VWA7: variants seen among roughly 807,000 people sequenced by gnomAD.
The protein encoded by VWA7 is von Willebrand factor A domain-containing protein 7.
Under a neutral mutation model 83.1 loss-of-function variants are expected in VWA7, and 66 were observed. That is an observed-to-expected ratio of 0.79 (90% CI 0.65 to 0.98). VWA7 has a LOEUF of 0.98. VWA7 is among the 50% of genes least tolerant of loss of function. The pLI is 0.00. For synonymous variants in VWA7, 424 were observed against 488.5 expected, an observed-to-expected ratio of 0.87 and a Z score of 1.74; for missense variants, 1,080 against 1,160.2, an observed-to-expected ratio of 0.93 and a Z score of 1.00.
chr6:31,769,658 C>T lies in VWA7; in HGVS notation c.1317+17G>A. The T allele has an allele frequency of 6.2e-7, 1 of 1,603,168 alleles. No homozygotes were observed. Among genetic ancestry groups the T allele is most frequent in the Non-Finnish European group, 8.5e-7 (1 of 1,171,298 alleles). On this transcript the variant is annotated intron_variant, in intron 9 of 16. Coordinates refer to ENST00000375688, the MANE Select transcript of VWA7 (RefSeq NM_025258.3). This position sits in a 1 kb window ranked among gnomAD's most constrained non-coding sequence, Gnocchi z 4.5. ...CCCTGGGAGGCTAACACTGGGTCTC[C>T]CACTAGCTCTGCTCACCCGGCAGCG...
At chr6:31,772,586 T>TTC (rs1293339423) in intron 7 of VWA7, among the ~76,000 whole-genome samples, 1 of 49,320 alleles carries the variant, frequency 2.0e-5, no homozygotes, top group Non-Finnish European at 4.6e-5. Context: ...TTTCTTTTCT[T>TTC]TTTTTTTTTT....
Position 31,776,650 on chromosome 6 carries a change from T to G in VWA7, c.130A>C (p.Thr44Pro). The G allele has an allele frequency of 6.5e-7, 1 of 1,545,444 alleles. No homozygotes were observed. The highest frequency in any genetic ancestry group is 8.7e-7 in the Non-Finnish European group (1 of 1,144,208). The change falls in exon 2 of 17, where the codon ACC becomes CCC. Residue 44 changes from threonine to proline, a missense_variant. By Grantham distance (38) the Thr-to-Pro change is conservative (BLOSUM62 -1). Transcript: ENST00000375688. The surrounding 1 kb of genome is among the most constrained non-coding windows in gnomAD (Gnocchi z 6.2). ...GCCTCCTCAGTTAGGTCTTGGTGGG[T>G]GATGGAGCCAGGGGCAGCCAGCAGG... ...WSLLAAPGSI[T>P]HQDLTEEAAL...
Position 31,769,941 on chromosome 6 carries a change from AGGGATCTAGCTCCCCCTGGT to A in VWA7, c.1200+40_1200+59del. ...GCTGAAGGTGGTGGGGAGCCCCAGG[AGGGATCTAGCTCCCCCTGGT>A]GGTGGGGCCAGGAAACGGGGAAGAA... On this transcript the variant is annotated intron_variant, in intron 8 of 16. Transcript: ENST00000375688. This position sits in a 1 kb window ranked among gnomAD's most constrained non-coding sequence, Gnocchi z 4.5. 1.9e-6 allele frequency: 3 copies of A among 1,550,112 alleles called. No homozygotes were observed. The South Asian group carries it at 3.4e-5, about 17-fold the overall frequency.
At position 31,767,261 on chromosome 6, in the gene VWA7, G is replaced by A; in HGVS notation, c.1790-11C>T. The A allele has an allele frequency of 1.9e-6, 3 of 1,611,756 alleles. No homozygotes were observed. The highest frequency in any genetic ancestry group is 1.7e-6 in the Non-Finnish European group (2 of 1,178,986). ...CCAGGGAGGTCTGGGCTGGGAAAGGGCAAAGGCAGTCAGAGCCCTTCCTGA... is the reference window on the plus strand; with the variant it reads ...CCAGGGAGGTCTGGGCTGGGAAAGGACAAAGGCAGTCAGAGCCCTTCCTGA... On this transcript the variant is annotated splice_polypyrimidine_tract_variant and intron_variant, in intron 12 of 16. Coordinates refer to ENST00000375688, the MANE Select transcript of VWA7 (RefSeq NM_025258.3).
intron 7 of VWA7, among the ~76,000 whole-genome samples, chr6:31,772,407 C>T (rs541097316): frequency 6.6e-6 from 1 of 152,104 alleles, no homozygotes; most frequent in South Asian, 2.1e-4. Context: ...CCACCTCTGC[C>T]TCCCAAAGTG....
chr6:31,772,564 CTTTTTTTTTTCTTTCTTTTCTTTTT>C (rs1812281061), intron 7 of VWA7, among the ~76,000 whole-genome samples: 2 of 76,992 alleles, frequency 2.6e-5, no homozygotes, highest in Non-Finnish European at 5.6e-5. Flanking sequence ...TTTATCTTTT[CTTTTTTTTTTCTTTCTTTTCTTTTT>C]TTTTTTTTTT....
In VWA7 at chr6:31,767,477, T is replaced by C; in HGVS notation, c.1674A>G (p.Leu558=). ...ACTGCCCAAAGCGGCGAGTGTGACC[T>C]AGAGGACCCCCGCCTTCCTCCTGGC... ...SQGQEEGGGP[L]GHTRRFGQFW... The change falls in exon 12 of 17, where the codon CTA becomes CTG. Residue 558 remains leucine, a synonymous_variant. Coordinates refer to ENST00000375688, the MANE Select transcript of VWA7 (RefSeq NM_025258.3). The C allele has an allele frequency of 1.9e-6, 3 of 1,612,106 alleles. No homozygotes were observed. The highest frequency in any genetic ancestry group is 2.5e-6 in the Non-Finnish European group (3 of 1,179,122).
At chr6:31,772,446 C>G (rs979983022) in intron 7 of VWA7, among the ~76,000 whole-genome samples, 2 of 151,964 alleles carry the variant, frequency 1.3e-5, no homozygotes, top group Non-Finnish European at 2.9e-5. Flanking sequence ...GCCACCCCAC[C>G]CAGGTTGCTG....
rs912119569 is a variant in VWA7, at chr6:31,776,922, C to G, written c.-15-128G>C. Reference sequence around the variant, plus strand: ...GTCTGCTCCAGCCTGGCTTCCCCACCCTCTCGCTGTCACCCAGACAACCTG... The same window carrying G: ...GTCTGCTCCAGCCTGGCTTCCCCACGCTCTCGCTGTCACCCAGACAACCTG... On this transcript the variant is annotated intron_variant, in intron 1 of 16. Transcript: ENST00000375688. This position sits in a 1 kb window ranked among gnomAD's most constrained non-coding sequence, Gnocchi z 6.2. 3.5e-5 allele frequency: 18 copies of G among 508,434 alleles called. No homozygotes were observed. The African/African-American group carries it at 3.6e-4, about 10-fold the overall frequency. 31.5% of individuals were successfully genotyped at this position (508,434 alleles called of 1,614,324 possible). A position where few individuals can be genotyped will look rare whatever the true frequency, so the allele number is the denominator to read the frequency against.
Position 31,765,928 on chromosome 6 carries a change from C to T in VWA7, c.2454G>A (p.Pro818=), listed in dbSNP as rs766226938. 10 of 1,612,980 alleles carry T rather than the reference C, an allele frequency of 6.2e-6. No individual in the cohort carries two copies. The highest frequency in any genetic ancestry group is 5.0e-5 in the Admixed American group (3 of 60,008). The part of the protein sequence containing the change: ...AGGREANPVP[P]THAFLRLLVS... ...CCAGGAGCCGGAGGAAAGCATGAGT[C>T]GGGGGTACTGGGTTGGCTTCTCGTC... Residue 818 remains proline, a synonymous_variant, in exon 16 of 17, where the codon CCG becomes CCA. Transcript: ENST00000375688.
rs1257769792 is a variant in VWA7, at chr6:31,775,040, C to A, written c.610+293G>T. Among the ~76,000 whole-genome samples, 2 of 152,022 alleles carry A rather than the reference C, an allele frequency of 1.3e-5. No homozygotes were observed. The highest frequency in any genetic ancestry group is 1.3e-4 in the Admixed American group (2 of 15,254). On this transcript the variant is annotated intron_variant, in intron 4 of 16. Coordinates refer to ENST00000375688, the MANE Select transcript of VWA7 (RefSeq NM_025258.3). This position sits in a 1 kb window ranked among gnomAD's most constrained non-coding sequence, Gnocchi z 5.9. ...GTGAGTTGTGGACAGGAGGCAGCTT[C>A]CAGGTGAGAGGGTGAGGGGGCTGTG...
chr6:31,772,443 C>T (rs1812265883), intron 7 of VWA7, among the ~76,000 whole-genome samples: 1 of 151,982 alleles, frequency 6.6e-6, no homozygotes, highest in South Asian at 2.1e-4. Context: ...TGAGCCACCC[C>T]ACCCAGGTTG....
In VWA7 at chr6:31,776,809, G is replaced by A. The variant is rs1023467174; in HGVS notation, c.-15-15C>T. On this transcript the variant is annotated splice_polypyrimidine_tract_variant and intron_variant, in intron 1 of 16. Coordinates refer to ENST00000375688, the MANE Select transcript of VWA7 (RefSeq NM_025258.3). This position sits in a 1 kb window ranked among gnomAD's most constrained non-coding sequence, Gnocchi z 6.2. ...GAGACATGGACCTGGGAGACAGAAG[G>A]CTCTCAAGGGAGGAGGAAGCAGCCG... 1 of 1,317,298 alleles carries A rather than the reference G, an allele frequency of 7.6e-7. No individual in the cohort carries two copies. Among genetic ancestry groups the A allele is most frequent in the Non-Finnish European group, 9.9e-7 (1 of 1,006,710 alleles). 81.6% of individuals were successfully genotyped at this position (1,317,298 alleles called of 1,614,324 possible). A position where few individuals can be genotyped will look rare whatever the true frequency, so the allele number is the denominator to read the frequency against.
Position 31,775,505 on chromosome 6 carries a change from C to T in VWA7, c.514-76G>A. 7.4e-7 allele frequency: 1 copy of T among 1,354,450 alleles called. No individual in the cohort carries two copies. Among genetic ancestry groups the T allele is most frequent in the Non-Finnish European group, 1.0e-6 (1 of 979,000 alleles). 83.9% of individuals were successfully genotyped at this position (1,354,450 alleles called of 1,614,324 possible). Reference sequence around the variant, plus strand: ...CACCATCTCCAGCACTAATATGCCACTCCTTTGAGTTCCCCATCCCGAAAG... The same window carrying T: ...CACCATCTCCAGCACTAATATGCCATTCCTTTGAGTTCCCCATCCCGAAAG... On this transcript the variant is annotated intron_variant, in intron 3 of 16. Transcript: ENST00000375688. The surrounding 1 kb of genome is among the most constrained non-coding windows in gnomAD (Gnocchi z 5.9).
rs756727536 is a variant in VWA7 at position 31,769,649 on chromosome 6, C to A, written c.1317+26G>T. ...CTCTCACATCCCTGGGAGGCTAACA[C>A]TGGGTCTCCCACTAGCTCTGCTCAC... On this transcript the variant is annotated intron_variant, in intron 9 of 16. Coordinates refer to ENST00000375688, the MANE Select transcript of VWA7 (RefSeq NM_025258.3). The surrounding 1 kb of genome is among the most constrained non-coding windows in gnomAD (Gnocchi z 4.5). 6.3e-7 allele frequency: 1 copy of A among 1,586,306 alleles called. No individual in the cohort carries two copies. The highest frequency in any genetic ancestry group is 8.6e-7 in the Non-Finnish European group (1 of 1,156,086).
At position 31,775,852 on chromosome 6, in the gene VWA7, C is replaced by T. The variant is rs1244771664; in HGVS notation, c.513+112G>A. 1 of 1,483,436 alleles carries T rather than the reference C, an allele frequency of 6.7e-7. No individual in the cohort carries two copies. Among genetic ancestry groups the T allele is most frequent in the Non-Finnish European group, 9.0e-7 (1 of 1,115,862 alleles). 91.9% of individuals were successfully genotyped at this position (1,483,436 alleles called of 1,614,324 possible). On this transcript the variant is annotated intron_variant, in intron 3 of 16. Transcript: ENST00000375688. This position sits in a 1 kb window ranked among gnomAD's most constrained non-coding sequence, Gnocchi z 5.9. ...TCGGGGCACCGCGTGCCAGTGCCCA[C>T]CCCTTCCAGAGTGGAGGAGACATGA...
In VWA7 at chr6:31,776,700, G is replaced by A. The variant is rs1184803687; in HGVS notation, c.80C>T (p.Ser27Phe). ...GCTCCAGATGTTGGGGAAGAAGGCA[G>A]ATGTGGGGGGCAGCAACAGCTGCAG... is the stretch of plus-strand genomic sequence containing the variant. ...LLLQLLLPPTSAFFPNIWSLL... is the reference protein window; with the variant it reads ...LLLQLLLPPTFAFFPNIWSLL... Residue 27 changes from serine (S) to phenylalanine (F), a missense_variant, in exon 2 of 17, where the codon TCT becomes TTT. Transcript: ENST00000375688. This position sits in a 1 kb window ranked among gnomAD's most constrained non-coding sequence, Gnocchi z 6.2. 1 of 1,512,916 alleles carries A rather than the reference G, an allele frequency of 6.6e-7. No individual in the cohort carries two copies. Among genetic ancestry groups the A allele is most frequent in the Non-Finnish European group, 8.9e-7 (1 of 1,127,122 alleles). 93.7% of individuals were successfully genotyped at this position (1,512,916 alleles called of 1,614,324 possible). A position where few individuals can be genotyped will look rare whatever the true frequency, so the allele number is the denominator to read the frequency against.
At chr6:31,774,275 A>G (rs1296431376) in intron 5 of VWA7, among the ~76,000 whole-genome samples, 3 of 151,882 alleles carry the variant, frequency 2.0e-5, no homozygotes, top group Non-Finnish European at 4.4e-5. Flanking sequence ...TGATCCCTCC[A>G]GCCAGTCCCC....
In VWA7 at chr6:31,766,612, C is replaced by T; in HGVS notation, c.2035G>A (p.Glu679Lys). The T allele has an allele frequency of 6.2e-7, 1 of 1,613,032 alleles. No homozygotes were observed. The highest frequency in any genetic ancestry group is 1.3e-5 in the African/African-American group (1 of 75,038). Residue 679 changes from glutamate to lysine, a missense_variant, in exon 14 of 17, where the codon GAG becomes AAG. By Grantham distance (56) the Glu-to-Lys change is moderately conservative. Transcript: ENST00000375688. The surrounding 1 kb of genome is among the most constrained non-coding windows in gnomAD (Gnocchi z 4.9). ...QVPLEPVGPPERGLLAASLSP... is the reference protein window; with the variant it reads ...QVPLEPVGPPKRGLLAASLSP... Reference sequence around the variant, plus strand: ...AGCGAGGCTGCGAGGAGACCTCGCTCCGGAGGTCCCACGGGCTCCAAGGGC... The same window carrying T: ...AGCGAGGCTGCGAGGAGACCTCGCTTCGGAGGTCCCACGGGCTCCAAGGGC...
Sources: allele counts gnomAD v4.1 joint callset (sites outside exome capture counted in the v4.1 genomes callset), GRCh38; gene constraint gnomAD v4.1.1; non-coding constraint Gnocchi (gnomAD v3.1); transcripts MANE v1.5; gene names NCBI Gene and HGNC (gene_info 2026-07-23, HGNC 2026-07-21).